The following NEGR1 variants were observed in gnomAD, a reference collection of about 807,000 sequenced individuals.
The protein encoded by NEGR1 is neuronal growth regulator 1.
In NEGR1, 10 loss-of-function variants were observed where a neutral mutation model predicts 40.9. That is an observed-to-expected ratio of 0.24 (90% CI 0.15 to 0.42). The LOEUF is 0.42. Among genes scored for constraint, NEGR1 ranks in the 10% least tolerant of loss-of-function variants. The pLI, the probability that NEGR1 is intolerant of heterozygous loss-of-function variation, is 1.00. For missense variants in NEGR1, 352 were observed against 438.9 expected, an observed-to-expected ratio of 0.80 and a Z score of 1.77; for synonymous variants, 185 against 166.8, an observed-to-expected ratio of 1.11 and a Z score of -0.84.
intron 4 of NEGR1, among the ~76,000 whole-genome samples, chr1:71,617,916 A>T (rs1007891015): frequency 2.0e-5 from 3 of 152,198 alleles, no homozygotes; most frequent in Non-Finnish European, 4.4e-5. Context: ...CACCAATGGC[A>T]GCACATTTCA....
chr1:72,036,748 T>G (rs1646907093), intron 1 of NEGR1, among the ~76,000 whole-genome samples: 1 of 151,960 alleles, frequency 6.6e-6, no homozygotes, highest in South Asian at 2.1e-4. Context: ...TTAAGAAGTT[T>G]TTACTGATCT....
chr1:72,103,372 G>A (rs991099426), intron 1 of NEGR1, among the ~76,000 whole-genome samples: 4 of 152,006 alleles, frequency 2.6e-5, no homozygotes, highest in Non-Finnish European at 1.5e-5. Context: ...CATAATTAAT[G>A]ATTTAATAAA....
intron 4 of NEGR1, among the ~76,000 whole-genome samples, chr1:71,653,636 A>G (rs1651786996): frequency 6.6e-6 from 1 of 152,170 alleles, no homozygotes; most frequent in African/African-American, 2.4e-5. Flanking sequence ...AAAGGTAGAT[A>G]TTTATCACTG....
intron 3 of NEGR1, among the ~76,000 whole-genome samples, chr1:71,764,633 A>G (rs895962943): frequency 1.3e-5 from 2 of 152,210 alleles, no homozygotes; most frequent in Middle Eastern, 3.2e-3. Context: ...GAAGTTTTGC[A>G]AAGGAGATGA....
At chr1:71,421,796 A>G (rs144112778) in intron 6 of NEGR1, among the ~76,000 whole-genome samples, 142 of 152,266 alleles carry the variant, frequency 9.3e-4, no homozygotes, top group Middle Eastern at 3.4e-3. Flanking sequence ...TTTGGGCTAC[A>G]TAATACATAA....
At chr1:71,915,505 T>C (rs1295936865) in intron 2 of NEGR1, among the ~76,000 whole-genome samples, 15 of 152,142 alleles carry the variant, frequency 9.9e-5, no homozygotes. Context: ...ATAATAATAA[T>C]AGTGTCATTC....
intron 6 of NEGR1, among the ~76,000 whole-genome samples, chr1:71,562,441 C>A (rs950669456): frequency 2.0e-5 from 3 of 151,708 alleles, no homozygotes; most frequent in Non-Finnish European, 2.9e-5. Flanking sequence ...ACACTCTTGA[C>A]AAATCTTAAT....
At chr1:71,462,579 GAAGCTTTTGTACTAA>G (rs1646721243) in intron 6 of NEGR1, among the ~76,000 whole-genome samples, 1 of 152,108 alleles carries the variant, frequency 6.6e-6, no homozygotes, top group South Asian at 2.1e-4. Context: ...TGGAGGGAGA[GAAGCTTTTGTACTAA>G]AAGCCAGTGA....
At chr1:72,029,018 G>C (rs1455629166) in intron 1 of NEGR1, among the ~76,000 whole-genome samples, 1 of 152,002 alleles carries the variant, frequency 6.6e-6, no homozygotes, top group African/African-American at 2.4e-5. Flanking sequence ...AAACGCTAAA[G>C]GAAAAAGCAT....
At chr1:71,851,162 G>A (rs967208422) in intron 2 of NEGR1, among the ~76,000 whole-genome samples, 9 of 152,164 alleles carry the variant, frequency 5.9e-5, no homozygotes, top group Non-Finnish European at 1.0e-4. Context: ...CAACGCAGCA[G>A]AATACCCTGG....
chr1:71,605,934 A>G (rs1650061652), intron 5 of NEGR1, among the ~76,000 whole-genome samples: 1 of 152,186 alleles, frequency 6.6e-6, no homozygotes, highest in South Asian at 2.1e-4. Context: ...TTTCCAATAT[A>G]AAAAATACTT....
At chr1:72,034,760 A>G (rs1646888202) in intron 1 of NEGR1, among the ~76,000 whole-genome samples, 1 of 152,202 alleles carries the variant, frequency 6.6e-6, no homozygotes, top group African/African-American at 2.4e-5. Context: ...TGACCATAAT[A>G]CAGGAGTTAT....
At position 71,724,235 on chromosome 1, in the gene NEGR1, T is replaced by C. The variant is rs529008672; in HGVS notation, c.536-26096A>G. Among the ~76,000 whole-genome samples, 3 of 152,274 alleles carry C rather than the reference T, an allele frequency of 2.0e-5. No homozygotes were observed. In the South Asian group the frequency reaches 6.2e-4, roughly 32 times the overall value. On this transcript the variant is annotated intron_variant, in intron 3 of 6. Coordinates refer to ENST00000357731, the MANE Select transcript of NEGR1 (RefSeq NM_173808.3). ...CTCCAAATATATTAAATTTTTCTTA[T>C]GCAATTTAATCTACCTTTAATTGCA...
At chr1:71,804,371 A>G (rs993257267) in intron 2 of NEGR1, among the ~76,000 whole-genome samples, 9 of 152,176 alleles carry the variant, frequency 5.9e-5, no homozygotes, top group African/African-American at 2.2e-4. Flanking sequence ...GCCATGGTCC[A>G]GTAGCTGGCC....
chr1:72,245,963 AT>A (rs1441865560), intron 1 of NEGR1, among the ~76,000 whole-genome samples: 1 of 152,182 alleles, frequency 6.6e-6, no homozygotes, highest in African/African-American at 2.4e-5. Context: ...TAAATACAAC[AT>A]TTAAAAAATA....
Position 71,402,989 on chromosome 1 carries a change from G to A in NEGR1, c.*4457C>T, listed in dbSNP as rs1646255969. On this transcript the variant is annotated 3_prime_UTR_variant, in exon 7 of 7. Transcript: ENST00000357731. ...AGAACATTTCCAGTTTTTTTGTGGAGGGAGGGCTTTGGTGTATATAGATTT... is the reference window on the plus strand; with the variant it reads ...AGAACATTTCCAGTTTTTTTGTGGAAGGAGGGCTTTGGTGTATATAGATTT... 6.6e-6 allele frequency: 1 copy of A among 152,078 alleles called. No homozygotes were observed. The highest frequency in any genetic ancestry group is 2.1e-4 in the South Asian group (1 of 4,830). The allele number at this position is 152,078 out of a possible 1,614,324, so 9.4% of individuals were successfully genotyped here. A position where few individuals can be genotyped will look rare whatever the true frequency, so the allele number is the denominator to read the frequency against.
intron 4 of NEGR1, among the ~76,000 whole-genome samples, chr1:71,644,120 G>A (rs1453042513): frequency 1.3e-5 from 2 of 151,866 alleles, no homozygotes; most frequent in African/African-American, 2.4e-5. Context: ...CCACTACACT[G>A]GTCCCTATGA....
intron 1 of NEGR1, among the ~76,000 whole-genome samples, chr1:71,994,643 C>T (rs1317096257): frequency 6.6e-6 from 1 of 151,896 alleles, no homozygotes; most frequent in East Asian, 1.9e-4. Flanking sequence ...TTATTATACA[C>T]AAGTTTGGTG....
intron 2 of NEGR1, among the ~76,000 whole-genome samples, chr1:71,873,720 A>G (rs1393676892): frequency 6.6e-6 from 1 of 152,210 alleles, no homozygotes; most frequent in Non-Finnish European, 1.5e-5. Context: ...TTAGTAGACT[A>G]TGATGGGTAA....
Sources: allele counts gnomAD v4.1 joint callset (sites outside exome capture counted in the v4.1 genomes callset), GRCh38; gene constraint gnomAD v4.1.1; transcripts MANE v1.5; gene names NCBI Gene and HGNC (gene_info 2026-07-23, HGNC 2026-07-21).